The following AK8 variants were observed in gnomAD, a reference collection of about 807,000 sequenced individuals.
The protein encoded by AK8 is adenylate kinase 8.
In AK8, 44 loss-of-function variants were observed where a neutral mutation model predicts 54.6. That is an observed-to-expected ratio of 0.81 (90% CI 0.63 to 1.04). The LOEUF is 1.04. Among genes scored for constraint, AK8 ranks in the 50% least tolerant of loss-of-function variants. The pLI, the probability that AK8 is intolerant of heterozygous loss-of-function variation, is 0.00. For synonymous variants in AK8, 239 were observed against 245.6 expected (o/e 0.97, Z 0.25); for missense variants, 555 against 613.6 (o/e 0.90, Z 1.01).
At chr9:132,844,297 C>CAAAAAAAAAAAA (rs35309762) in intron 5 of AK8, among the ~76,000 whole-genome samples, 22 of 92,602 alleles carry the variant, frequency 2.4e-4, no homozygotes, top group East Asian at 6.6e-4. Context: ...TGCATTAGAC[C>CAAAAAAAAAAAA]AAAAAAAAAA....
intron 11 of AK8, among the ~76,000 whole-genome samples, chr9:132,787,387 A>G (rs1449146265): frequency 1.3e-5 from 2 of 152,192 alleles, no homozygotes; most frequent in Non-Finnish European, 2.9e-5. Context: ...TTCCACAGAA[A>G]GAAAAAAGTC....
intron 2 of AK8, among the ~76,000 whole-genome samples, chr9:132,874,150 T>C (rs936757617): frequency 1.6e-4 from 24 of 152,310 alleles, no homozygotes; most frequent in Non-Finnish European, 3.2e-4. Context: ...AAGGGCCTTT[T>C]TGTTGGCCCT....
intron 11 of AK8, among the ~76,000 whole-genome samples, chr9:132,746,235 GAC>G (rs757510816): frequency 2.0e-5 from 3 of 152,078 alleles, no homozygotes; most frequent in Non-Finnish European, 4.4e-5. Flanking sequence ...CACACACATA[GAC>G]ACACACACGA....
chr9:132,875,695 C>T (rs929643873), intron 1 of AK8, among the ~76,000 whole-genome samples: 2 of 152,226 alleles, frequency 1.3e-5, no homozygotes, highest in Non-Finnish European at 2.9e-5. Flanking sequence ...CTGCGGGCAT[C>T]GCCCTGTTCC....
intron 5 of AK8, among the ~76,000 whole-genome samples, chr9:132,831,291 G>C (rs1488677239): frequency 6.6e-6 from 1 of 151,928 alleles, no homozygotes; most frequent in Non-Finnish European, 1.5e-5. Context: ...AACATTAAAT[G>C]TGTAGATCAA....
At chr9:132,804,078 C>G (rs982587589) in intron 10 of AK8, among the ~76,000 whole-genome samples, 1 of 147,108 alleles carries the variant, frequency 6.8e-6, no homozygotes, top group Non-Finnish European at 1.5e-5. Flanking sequence ...TGCGATCCAG[C>G]CTGGGGACAG....
Position 132,823,349 on chromosome 9 carries a change from G to A in AK8, c.758-13C>T. On this transcript the variant is annotated splice_polypyrimidine_tract_variant and intron_variant, in intron 8 of 12. Transcript: ENST00000298545. ...ACATAGGTCAGAGCTGGAAAGAGAG[G>A]ATATGAGGATAATAAACCCAGGTCC... is the stretch of plus-strand genomic sequence containing the variant. The A allele has an allele frequency of 1.2e-6, 2 of 1,613,652 alleles. No homozygotes were observed. Among genetic ancestry groups the A allele is most frequent in the South Asian group, 1.1e-5 (1 of 91,008 alleles).
In AK8 at chr9:132,725,775, G is replaced by A. The variant is rs901238251; in HGVS notation, c.1353C>T (p.Ile451=). 6.9e-6 allele frequency: 11 copies of A among 1,600,944 alleles called. No homozygotes were observed. The highest frequency in any genetic ancestry group is 9.4e-6 in the Non-Finnish European group (11 of 1,174,008). The change falls in exon 13 of 13, where the codon ATC becomes ATT. Residue 451 remains isoleucine (I), a synonymous_variant. Transcript: ENST00000298545. The stretch of plus-strand genomic sequence containing the variant: ...ATGGGTCCTGGTCCCCATTGAGGGT[G>A]ATGGCCGACCCATACAACTGCTCCA... ...ADLEQLYGSA[I]TLNGDQDPYT...
At chr9:132,841,122 G>A (rs76162470) in intron 5 of AK8, among the ~76,000 whole-genome samples, 6,665 of 152,292 alleles carry the variant, frequency 0.044, 225 homozygotes, top group Non-Finnish European at 0.066. Flanking sequence ...AGCATGCGCC[G>A]CAGCACCTAA....
intron 11 of AK8, among the ~76,000 whole-genome samples, chr9:132,785,976 A>G (rs1839687968): frequency 6.6e-6 from 1 of 152,214 alleles, no homozygotes. Flanking sequence ...CACTTTGAAA[A>G]CCTAACCTAC....
chr9:132,862,954 C>T (rs909093717), intron 4 of AK8, among the ~76,000 whole-genome samples: 6 of 152,200 alleles, frequency 3.9e-5, no homozygotes, highest in Admixed American at 3.9e-4. Context: ...ACTACAGGCA[C>T]GTGCCACCAT....
intron 10 of AK8, among the ~76,000 whole-genome samples, chr9:132,811,587 T>C (rs1841009661): frequency 6.6e-6 from 1 of 152,250 alleles, no homozygotes; most frequent in African/African-American, 2.4e-5. Context: ...AAGATAAATC[T>C]GTGTTGTTCT....
intron 11 of AK8, among the ~76,000 whole-genome samples, chr9:132,749,580 G>A (rs936895924): frequency 6.6e-6 from 1 of 151,902 alleles, no homozygotes; most frequent in African/African-American, 2.4e-5. Flanking sequence ...ATATCGGCTG[G>A]TGAGTGACCC....
intron 2 of AK8, among the ~76,000 whole-genome samples, chr9:132,870,116 C>T (rs1049758568): frequency 3.9e-5 from 6 of 152,170 alleles, no homozygotes; most frequent in Non-Finnish European, 8.8e-5. Flanking sequence ...CTGAGAGTTC[C>T]CGGGCTGGGG....
rs1388071216 is a variant in AK8, at chr9:132,821,771, ATATGTG to A, written c.889+1428_889+1433del. On this transcript the variant is annotated intron_variant, in intron 9 of 12. Transcript: ENST00000298545. ...TATATACAAATATATACATATATGT[ATATGTG>A]TATGTATATACAAATATATACATAT... Among the ~76,000 whole-genome samples the A allele has an allele frequency of 5.4e-4, 70 of 130,270 alleles. 2 individuals are homozygous for A. Among genetic ancestry groups the A allele is most frequent in the African/African-American group, 1.7e-3 (58 of 34,322 alleles). 85.5% of individuals were successfully genotyped at this position (130,270 alleles called of 152,430 possible).
intron 9 of AK8, among the ~76,000 whole-genome samples, chr9:132,821,798 CATATAT>C (rs1205856783): frequency 7.8e-5 from 9 of 114,958 alleles, no homozygotes; most frequent in African/African-American, 2.8e-4. Context: ...CAAATATATA[CATATAT>C]GTGTATGTAT....
rs1374227304 is a variant in AK8, at chr9:132,824,607, G to A, written c.758-1271C>T. On this transcript the variant is annotated intron_variant, in intron 8 of 12. Coordinates refer to ENST00000298545, the MANE Select transcript of AK8 (RefSeq NM_152572.3). ...CTAGGTGCCTGCAGCACAACCGCAA[G>A]GTATGACAACCAAAAAACCTTTACA... is the stretch of plus-strand genomic sequence containing the variant. Among the ~76,000 whole-genome samples the A allele has an allele frequency of 2.6e-5, 4 of 152,194 alleles. No homozygotes were observed. The East Asian group carries it at 7.7e-4, about 29-fold the overall frequency.
chr9:132,808,187 T>A (rs1236373857), intron 10 of AK8, among the ~76,000 whole-genome samples: 1 of 152,132 alleles, frequency 6.6e-6, no homozygotes, highest in African/African-American at 2.4e-5. Context: ...TAAGGCTGCA[T>A]GATTTAAGCT....
rs1836521900 is a variant in AK8, at chr9:132,725,652, T to C, written c.*36A>G. On this transcript the variant is annotated 3_prime_UTR_variant, in exon 13 of 13. Coordinates refer to ENST00000298545, the MANE Select transcript of AK8 (RefSeq NM_152572.3). ...GGGGGGCTGGGGGCAGGGGATTAAC[T>C]CTTTCCCTGGGGCAGCGCTCCTGGC... The C allele has an allele frequency of 6.5e-7, 1 of 1,533,274 alleles. No individual in the cohort carries two copies. 95.0% of individuals were successfully genotyped at this position (1,533,274 alleles called of 1,614,324 possible).
Sources: gnomAD v4.1 joint callset for allele counts (sites outside exome capture counted in the v4.1 genomes callset) on GRCh38, gnomAD v4.1.1 for gene constraint, MANE v1.5 for transcripts, NCBI Gene and HGNC (gene_info 2026-07-23, HGNC 2026-07-21) for gene names.